Variants in ERC2 observed in about 807,000 individuals in gnomAD.
The protein encoded by ERC2 is ERC protein 2.
In ERC2, 42 loss-of-function variants were observed where a neutral mutation model predicts 114.8. That is an observed-to-expected ratio of 0.37 (90% CI 0.29 to 0.47). The LOEUF (loss-of-function observed/expected upper bound fraction) is 0.47. ERC2 is among the 20% of genes least tolerant of loss of function. The probability of loss-of-function intolerance (pLI) is 0.99; values close to 1 mark genes in which losing one functional copy is unlikely to be tolerated. For synonymous variants in ERC2, 454 were observed against 425.5 expected, an observed-to-expected ratio of 1.07 and a Z score of -0.82; for missense variants, 939 against 1,150.7, an observed-to-expected ratio of 0.82 and a Z score of 2.66.
intron 3 of ERC2, among the ~76,000 whole-genome samples, chr3:56,251,637 T>C (rs1012220009): frequency 9.9e-5 from 15 of 152,238 alleles, no homozygotes; most frequent in African/African-American, 3.6e-4. Flanking sequence ...GAAACTTAGT[T>C]CAGTGTTTCC....
intron 13 of ERC2, among the ~76,000 whole-genome samples, chr3:55,917,570 T>C (rs1425326780): frequency 6.6e-6 from 1 of 152,114 alleles, no homozygotes; most frequent in Non-Finnish European, 1.5e-5. Context: ...TCCATTTATA[T>C]GAAATGTATG....
chr3:55,640,945 T>G (rs1337515596), intron 17 of ERC2, among the ~76,000 whole-genome samples: 1 of 152,198 alleles, frequency 6.6e-6, no homozygotes, highest in Non-Finnish European at 1.5e-5. Context: ...AATAACTTAT[T>G]TCTTAGCCAT....
chr3:55,883,567 CACAA>C (rs1251026944), intron 14 of ERC2, among the ~76,000 whole-genome samples: 2 of 148,670 alleles, frequency 1.3e-5, no homozygotes, highest in African/African-American at 5.0e-5. Flanking sequence ...CACACACACA[CACAA>C]GTGCATGTAA....
At chr3:56,067,430 A>C (rs1436431132) in intron 7 of ERC2, among the ~76,000 whole-genome samples, 1 of 152,128 alleles carries the variant, frequency 6.6e-6, no homozygotes, top group Non-Finnish European at 1.5e-5. Flanking sequence ...GTTGCTTATC[A>C]CCTTAAGGAG....
intron 14 of ERC2, among the ~76,000 whole-genome samples, chr3:55,847,629 T>C (rs1012359882): frequency 6.6e-6 from 1 of 152,066 alleles, no homozygotes; most frequent in African/African-American, 2.4e-5. Flanking sequence ...TTTACCACTT[T>C]CATATAAAAT....
chr3:56,181,703 G>A (rs1267235872), intron 3 of ERC2, among the ~76,000 whole-genome samples: 4 of 152,142 alleles, frequency 2.6e-5, no homozygotes, highest in Non-Finnish European at 5.9e-5. Flanking sequence ...AATAGAATAA[G>A]GTGGAAGTGA....
chr3:55,591,578 T>TGC (rs2057887531), intron 17 of ERC2, among the ~76,000 whole-genome samples: 1 of 149,128 alleles, frequency 6.7e-6, no homozygotes, highest in African/African-American at 2.5e-5. Context: ...TGTGTGCGTG[T>TGC]GTGTGTGTGT....
intron 6 of ERC2, among the ~76,000 whole-genome samples, chr3:56,097,884 G>A (rs1156261358): frequency 6.6e-6 from 1 of 152,180 alleles, no homozygotes; most frequent in Non-Finnish European, 1.5e-5. Context: ...AACATTTGCA[G>A]TGCATTCTAA....
intron 17 of ERC2, among the ~76,000 whole-genome samples, chr3:55,620,136 G>A (rs1439465905): frequency 2.0e-5 from 3 of 152,092 alleles, no homozygotes; most frequent in South Asian, 2.1e-4. Flanking sequence ...ATTGACCAGC[G>A]AGTCCCCAGG....
intron 13 of ERC2, among the ~76,000 whole-genome samples, chr3:55,944,792 T>C (rs1041151088): frequency 1.3e-5 from 2 of 152,174 alleles, no homozygotes; most frequent in Non-Finnish European, 2.9e-5. Context: ...CGCGGAGGAT[T>C]ATAGTGTGAA....
chr3:55,729,705 G>A (rs1249455311), intron 15 of ERC2, among the ~76,000 whole-genome samples: 1 of 151,680 alleles, frequency 6.6e-6, no homozygotes, highest in Non-Finnish European at 1.5e-5. Flanking sequence ...AGGCATGGTT[G>A]TGCACAGCTG....
At chr3:56,209,918 C>A (rs531343089) in intron 3 of ERC2, among the ~76,000 whole-genome samples, 19 of 152,204 alleles carry the variant, frequency 1.2e-4, no homozygotes, top group African/African-American at 4.1e-4. Context: ...AACCACATTT[C>A]CCCTCTTACT....
At chr3:55,854,017 G>A (rs1407768649) in intron 14 of ERC2, among the ~76,000 whole-genome samples, 1 of 152,210 alleles carries the variant, frequency 6.6e-6, no homozygotes, top group African/African-American at 2.4e-5. Context: ...GCTCACACCT[G>A]TAATCCCAGC....
chr3:55,969,791 G>T (rs964585647), intron 12 of ERC2, among the ~76,000 whole-genome samples: 4 of 152,162 alleles, frequency 2.6e-5, no homozygotes, highest in African/African-American at 9.7e-5. Context: ...GAACTGCTAA[G>T]AATATTTATT....
Position 55,546,828 on chromosome 3 carries a change from T to C in ERC2, c.*40-35552A>G, listed in dbSNP as rs567407059. The stretch of plus-strand genomic sequence containing the variant: ...CACCCCTAACCCAGCCACTTACAAC[T>C]TATGTGGGAAACGAGGAGTTTGGGC... On this transcript the variant is annotated intron_variant, in intron 17 of 17. Transcript: ENST00000288221. 5.1e-4 allele frequency among the ~76,000 whole-genome samples: 78 copies of C among 152,300 alleles called. 1 individual carries two copies. Among genetic ancestry groups the C allele is most frequent in the Non-Finnish European group, 8.4e-4 (57 of 68,032 alleles).
At chr3:56,382,056 G>A (rs2059772147) in intron 2 of ERC2, among the ~76,000 whole-genome samples, 1 of 151,862 alleles carries the variant, frequency 6.6e-6, no homozygotes, top group African/African-American at 2.4e-5. Context: ...TTTAACTATT[G>A]GCCTTCCTTC....
At chr3:55,740,246 C>A (rs545186628) in intron 14 of ERC2, among the ~76,000 whole-genome samples, 39 of 152,168 alleles carry the variant, frequency 2.6e-4, no homozygotes, top group African/African-American at 8.2e-4. Context: ...CATTTAAAAT[C>A]TTTTTAATAA....
chr3:55,965,254 T>C (rs541470954), intron 12 of ERC2, among the ~76,000 whole-genome samples: 2 of 152,326 alleles, frequency 1.3e-5, no homozygotes, highest in East Asian at 3.9e-4. Flanking sequence ...TTTCTGCAAT[T>C]ATGGAAATCT....
At chr3:56,249,811 A>G (rs1308931050) in intron 3 of ERC2, among the ~76,000 whole-genome samples, 1 of 151,562 alleles carries the variant, frequency 6.6e-6, no homozygotes, top group Non-Finnish European at 1.5e-5. Flanking sequence ...ATTTTATCTG[A>G]CATTTCCATT....
Sources: allele counts gnomAD v4.1 joint callset (sites outside exome capture counted in the v4.1 genomes callset), GRCh38; gene constraint gnomAD v4.1.1; transcripts MANE v1.5; gene names NCBI Gene and HGNC (gene_info 2026-07-23, HGNC 2026-07-21).